ZFHX3: variants seen among roughly 807,000 people sequenced by gnomAD.
The protein encoded by ZFHX3 is zinc finger homeobox protein 3.
A neutral mutation model predicts 279.1 loss-of-function variants in ZFHX3; 42 were observed. The ratio of observed to expected loss-of-function variants is 0.15; its 90% CI spans 0.12 to 0.19. ZFHX3 has a LOEUF of 0.19. ZFHX3 is among the 10% of genes least tolerant of loss of function. The pLI, the probability that ZFHX3 is intolerant of heterozygous loss-of-function variation, is 1.00. For missense variants in ZFHX3, 4,981 were observed against 4,754.0 expected (o/e 1.05, Z -1.40); for synonymous variants, 2,293 against 1,957.8 (o/e 1.17, Z -4.52).
At chr16:73,738,630 G>T (rs16972425) in intron 1 of ZFHX3, among the ~76,000 whole-genome samples, 2,270 of 152,202 alleles carry the variant, frequency 0.015, 50 homozygotes, top group African/African-American at 0.051. Context: ...AGAGTTCCAC[G>T]GTATAAGAAA....
intron 4 of ZFHX3, among the ~76,000 whole-genome samples, chr16:72,870,717 C>CAAAAAA (rs71156125): frequency 4.9e-5 from 5 of 101,460 alleles, no homozygotes; most frequent in Admixed American, 1.2e-4. Flanking sequence ...GACTCTGTCT[C>CAAAAAA]AAAAAAAAAA....
intron 3 of ZFHX3, among the ~76,000 whole-genome samples, chr16:73,431,701 T>G (rs906173186): frequency 1.3e-5 from 2 of 152,234 alleles, no homozygotes; most frequent in African/African-American, 4.8e-5. Context: ...TTCCATGATT[T>G]ATTTCCTTGG....
intron 3 of ZFHX3, among the ~76,000 whole-genome samples, chr16:72,906,254 G>GA (rs1260907329): frequency 6.6e-6 from 1 of 151,936 alleles, no homozygotes; most frequent in Non-Finnish European, 1.5e-5. Flanking sequence ...AATACAGGGA[G>GA]AATTTTCACC....
intron 3 of ZFHX3, among the ~76,000 whole-genome samples, chr16:73,323,319 A>G (rs1026855275): frequency 1.3e-5 from 2 of 152,192 alleles, no homozygotes; most frequent in Admixed American, 6.5e-5. Context: ...TCCAGCTAGG[A>G]CAGCCTGTTA....
At chr16:72,852,694 T>C (rs76965115) in intron 4 of ZFHX3, among the ~76,000 whole-genome samples, 2,708 of 152,316 alleles carry the variant, frequency 0.018, 117 homozygotes, top group East Asian at 0.13. Flanking sequence ...AAGTTTCCTT[T>C]TTTTAAAAAA....
chr16:73,587,393 G>T (rs1466757624), intron 2 of ZFHX3, among the ~76,000 whole-genome samples: 1 of 152,152 alleles, frequency 6.6e-6, no homozygotes, highest in African/African-American at 2.4e-5. Flanking sequence ...AAATGACCTG[G>T]ACAATGGTTA....
intron 4 of ZFHX3, among the ~76,000 whole-genome samples, chr16:73,258,690 C>T (rs1288133416): frequency 6.6e-6 from 1 of 152,132 alleles, no homozygotes; most frequent in African/African-American, 2.4e-5. Context: ...CAGAGAATAA[C>T]CTAATAAAGA....
chr16:73,197,896 G>T (rs1029239073), intron 5 of ZFHX3, among the ~76,000 whole-genome samples: 1 of 129,208 alleles, frequency 7.7e-6, no homozygotes, highest in African/African-American at 2.9e-5. Flanking sequence ...TAAAGAAAAA[G>T]AAGATAAGTA....
intron 3 of ZFHX3, among the ~76,000 whole-genome samples, chr16:73,339,069 C>G (rs1017217833): frequency 6.6e-6 from 1 of 152,134 alleles, no homozygotes; most frequent in Non-Finnish European, 1.5e-5. Flanking sequence ...AACTGTGAGC[C>G]AATTAAACTT....
Position 72,794,240 on chromosome 16 carries a change from T to C in ZFHX3, c.8442A>G (p.Glu2814=), listed in dbSNP as rs1489011251. ...GATTAACTGAGGACATGGAGGGGCT[T>C]TCAAAGTCTTCAATCCCTTCCACCT... ...SIKVEGIEDF[E]SPSMSSVNLN... The change falls in exon 9 of 10, where the codon GAA becomes GAG. Residue 2814 remains glutamate (E), a synonymous_variant. Coordinates refer to ENST00000268489, the MANE Select transcript of ZFHX3 (RefSeq NM_006885.4). The surrounding 1 kb of genome is among the most constrained non-coding windows in gnomAD (Gnocchi z 4.2). 1 of 1,614,080 alleles carries C rather than the reference T, an allele frequency of 6.2e-7. No homozygotes were observed. Among genetic ancestry groups the C allele is most frequent in the East Asian group, 2.2e-5 (1 of 44,902 alleles).
intron 1 of ZFHX3, among the ~76,000 whole-genome samples, chr16:73,038,854 G>A (rs1412596013): frequency 2.6e-5 from 4 of 151,894 alleles, no homozygotes; most frequent in African/African-American, 9.7e-5. Flanking sequence ...CTGGAGTGCA[G>A]TGGCACAATC....
intron 2 of ZFHX3, among the ~76,000 whole-genome samples, chr16:73,512,636 T>C (rs2019453400): frequency 6.6e-6 from 1 of 152,012 alleles, no homozygotes; most frequent in Non-Finnish European, 1.5e-5. Flanking sequence ...TGACTCAGGG[T>C]TTGATGGTCT....
chr16:73,444,969 A>C (rs937127254), intron 3 of ZFHX3, among the ~76,000 whole-genome samples: 4 of 150,598 alleles, frequency 2.7e-5, no homozygotes, highest in African/African-American at 9.7e-5. Context: ...AAAAAAAAAA[A>C]AAAAAAAAAA....
chr16:73,786,406 A>G (rs945092660), intron 1 of ZFHX3, among the ~76,000 whole-genome samples: 6 of 152,206 alleles, frequency 3.9e-5, no homozygotes, highest in Non-Finnish European at 8.8e-5. Flanking sequence ...GACACATAAA[A>G]AAAAACTGTT....
intron 4 of ZFHX3, among the ~76,000 whole-genome samples, chr16:73,289,127 A>G (rs1195629855): frequency 6.6e-6 from 1 of 151,712 alleles, no homozygotes; most frequent in East Asian, 1.9e-4. Flanking sequence ...CTCCTCTCCT[A>G]AAATGGGAGA....
chr16:72,955,375 C>T (rs1961203567), intron 2 of ZFHX3, among the ~76,000 whole-genome samples: 1 of 152,188 alleles, frequency 6.6e-6, no homozygotes, highest in Non-Finnish European at 1.5e-5. Flanking sequence ...GCCGCAATGC[C>T]CAGGACAGTG....
At chr16:72,807,109 G>T (rs367828763) in intron 7 of ZFHX3, 1 of 152,152 alleles carries the variant, frequency 6.6e-6, no homozygotes, top group South Asian at 2.1e-4. Context: ...CTTCTTTCCT[G>T]AAAGAATGGG....
chr16:73,781,708 G>A (rs990843821), intron 1 of ZFHX3, among the ~76,000 whole-genome samples: 1 of 152,170 alleles, frequency 6.6e-6, no homozygotes, highest in African/African-American at 2.4e-5. Context: ...TAAACAAGAG[G>A]TCGGGCGTGG....
At chr16:73,864,692 C>A (rs1961967119) in intron 1 of ZFHX3, among the ~76,000 whole-genome samples, 1 of 152,110 alleles carries the variant, frequency 6.6e-6, no homozygotes, top group Admixed American at 6.5e-5. Context: ...TGCACTCCCA[C>A]CCAGACAACA....
Sources: allele counts gnomAD v4.1 joint callset (sites outside exome capture counted in the v4.1 genomes callset), GRCh38; gene constraint gnomAD v4.1.1; non-coding constraint Gnocchi (gnomAD v3.1); transcripts MANE v1.5; gene names NCBI Gene and HGNC (gene_info 2026-07-23, HGNC 2026-07-21).